The following SPAG1 variants were observed in gnomAD, a reference collection of about 807,000 sequenced individuals.
SPAG1 encodes sperm associated antigen 1.
Under a neutral mutation model 100.5 loss-of-function variants are expected in SPAG1, and 69 were observed. That is an observed-to-expected ratio of 0.69 (90% CI 0.57 to 0.84). The LOEUF (loss-of-function observed/expected upper bound fraction) is 0.84, where lower values mean the gene tolerates loss of function less well. Ranked by LOEUF, SPAG1 falls within the 40% of genes least tolerant of loss-of-function variation. The pLI is 0.00. For missense variants in SPAG1, 955 were observed against 1,133.1 expected, an observed-to-expected ratio of 0.84 and a Z score of 2.26; for synonymous variants, 336 against 411.6, an observed-to-expected ratio of 0.82 and a Z score of 2.22.
At chr8:100,207,521 G>A (rs2132332201) in intron 10 of SPAG1, among the ~76,000 whole-genome samples, 1 of 152,326 alleles carries the variant, frequency 6.6e-6, no homozygotes, top group East Asian at 1.9e-4. Context: ...GCAGTGAAGG[G>A]AAATCTTCCC....
chr8:100,239,335 CCTT>C lies in SPAG1; in HGVS notation c.2212_2214del (p.Leu738del). 1 of 1,590,152 alleles carries C rather than the reference CCTT, an allele frequency of 6.3e-7. No homozygotes were observed. The highest frequency in any genetic ancestry group is 8.6e-7 in the Non-Finnish European group (1 of 1,165,906). On this transcript the variant is annotated inframe_deletion, in exon 17 of 19. Transcript: ENST00000388798. The surrounding 1 kb of genome is among the most constrained non-coding windows in gnomAD (Gnocchi z 5.0). ...TGGAACTGGAAGAGGTAACTAGACT[CCTT>C]AATCTTAAGGATAAGACAGCACCAT...
chr8:100,189,556 G>A (rs190233323), intron 8 of SPAG1, among the ~76,000 whole-genome samples: 21 of 152,250 alleles, frequency 1.4e-4, no homozygotes, highest in Middle Eastern at 3.4e-3. Flanking sequence ...TTGGGAGGCC[G>A]AGGCAGGAGA....
intron 7 of SPAG1, among the ~76,000 whole-genome samples, chr8:100,186,122 G>A (rs1816579235): frequency 7.4e-6 from 1 of 135,886 alleles, no homozygotes. Flanking sequence ...CAAGAGTGCA[G>A]TGGTGTGATC....
At chr8:100,236,274 T>C (rs1284329386) in intron 16 of SPAG1, among the ~76,000 whole-genome samples, 1 of 152,184 alleles carries the variant, frequency 6.6e-6, no homozygotes, top group Non-Finnish European at 1.5e-5. Flanking sequence ...GTCCAGTAAT[T>C]TGAGGTATGT....
intron 3 of SPAG1, among the ~76,000 whole-genome samples, chr8:100,176,842 T>TCCTCTCCTCTCCTCC (rs1563775400): frequency 1.4e-5 from 2 of 143,912 alleles, no homozygotes; most frequent in East Asian, 2.1e-4. Flanking sequence ...TCCTCTCCTC[T>TCCTCTCCTCTCCTCC]TCTCTCTCCT....
chr8:100,240,345 G>A (rs1291861099), intron 17 of SPAG1, 58 bp from the exon 18 acceptor site: 2 of 1,494,458 alleles, frequency 1.3e-6, no homozygotes, highest in African/African-American at 2.8e-5. Context: ...GACGTACTTA[G>A]GATGTATGTG....
intron 1 of SPAG1, among the ~76,000 whole-genome samples, chr8:100,159,949 G>A (rs1815233123): frequency 1.3e-5 from 2 of 152,092 alleles, no homozygotes; most frequent in African/African-American, 4.8e-5. Flanking sequence ...TGAAGATTAG[G>A]TGAGATAAGC....
In SPAG1 at chr8:100,231,308, AT is replaced by A; in HGVS notation, c.1988+21del. ...AAACAGGCAAGTTCTTTGTAACTTT[AT>A]ATATTTCTTATGTTAATAGTTTTGA... On this transcript the variant is annotated intron_variant, in intron 15 of 18. Coordinates refer to ENST00000388798, the MANE Select transcript of SPAG1 (RefSeq NM_003114.5). 2 of 1,432,458 alleles carry A rather than the reference AT, an allele frequency of 1.4e-6. No homozygotes were observed. The highest frequency in any genetic ancestry group is 1.9e-6 in the Non-Finnish European group (2 of 1,051,302). 88.7% of individuals were successfully genotyped at this position (1,432,458 alleles called of 1,614,324 possible).
chr8:100,178,000 A>T, intron 4 of SPAG1, 59 bp downstream of exon 4: 1 of 1,472,380 alleles, frequency 6.8e-7, no homozygotes, highest in Non-Finnish European at 9.4e-7. Context: ...CTGTTTATTA[A>T]GGGGCAATCT....
chr8:100,184,721 T>G lies in SPAG1; in HGVS notation c.689T>G (p.Met230Arg). 1 of 1,579,996 alleles carries G rather than the reference T, an allele frequency of 6.3e-7. No homozygotes were observed. Among genetic ancestry groups the G allele is most frequent in the Non-Finnish European group, 8.6e-7 (1 of 1,164,128 alleles). The change falls in exon 7 of 19, where the codon ATG becomes AGG. Residue 230 changes from methionine (M) to arginine (R), a missense_variant. By Grantham distance (91) the Met-to-Arg change is moderately conservative. Transcript: ENST00000388798. Reference protein sequence around the residue: ...FNSGDYEEAVMYYTRSISALP... With the variant: ...FNSGDYEEAVRYYTRSISALP... ...TCAGGAGATTATGAAGAAGCAGTGA[T>G]GTATTATACCAGGTGAGCAGATGTT...
chr8:100,213,013 C>CCCACGGCCT (rs1554658870), intron 10 of SPAG1, 77 bp from the exon 11 acceptor site: 3 of 1,056,066 alleles, frequency 2.8e-6, no homozygotes, highest in Non-Finnish European at 2.5e-6. Context: ...GTCCTGCACC[C>CCCACGGCCT]CCGCGGCCTC....
intron 8 of SPAG1, among the ~76,000 whole-genome samples, chr8:100,188,902 A>C (rs1816696677): frequency 6.6e-6 from 1 of 152,178 alleles, no homozygotes; most frequent in South Asian, 2.1e-4. Flanking sequence ...TGTTTTACGC[A>C]AGCTGGTCTC....
At chr8:100,174,992 A>T (rs536211464) in intron 3 of SPAG1, among the ~76,000 whole-genome samples, 2 of 143,864 alleles carry the variant, frequency 1.4e-5, no homozygotes, top group South Asian at 2.2e-4. Flanking sequence ...TTTTTCTTAG[A>T]GATGGGATCT....
chr8:100,195,639 A>G (rs1287617699), intron 10 of SPAG1, among the ~76,000 whole-genome samples: 1 of 152,228 alleles, frequency 6.6e-6, no homozygotes, highest in East Asian at 1.9e-4. Flanking sequence ...CTTAGGGTTT[A>G]TATTGAGCTT....
At chr8:100,173,684 T>C (rs1471984561) in intron 3 of SPAG1, among the ~76,000 whole-genome samples, 1 of 152,194 alleles carries the variant, frequency 6.6e-6, no homozygotes, top group Non-Finnish European at 1.5e-5. Flanking sequence ...ATCACAAAGA[T>C]GAAATTAAGA....
intron 10 of SPAG1, among the ~76,000 whole-genome samples, chr8:100,197,376 C>T (rs967889638): frequency 2.0e-5 from 3 of 152,022 alleles, no homozygotes; most frequent in Admixed American, 6.6e-5. Context: ...AATAAATAGC[C>T]GGAAACTCAG....
chr8:100,213,046 C>G (rs974202982), intron 10 of SPAG1, 44 bp from the exon 11 acceptor site: 2 of 1,259,594 alleles, frequency 1.6e-6, no homozygotes, highest in African/African-American at 2.1e-5. Flanking sequence ...GGCAACTGCT[C>G]CCGGTGATGC....
chr8:100,207,197 G>A (rs187777768), intron 10 of SPAG1, among the ~76,000 whole-genome samples: 1 of 152,308 alleles, frequency 6.6e-6, no homozygotes, highest in African/African-American at 2.4e-5. Flanking sequence ...CTAGCCATAA[G>A]GTAGGTTGTG....
At position 100,213,379 on chromosome 8, in the gene SPAG1, C is replaced by G; in HGVS notation, c.1386C>G (p.Ala462=). ...AGCTGTTCCGAAGCGGGCAGTTCGC[C>G]GAGGCGGCCGGCAAGTACTCGGCGG... ...GNELFRSGQF[A]EAAGKYSAAI... is the part of the protein sequence containing the mutation. Residue 462 remains alanine (A), a synonymous_variant, in exon 11 of 19, where the codon GCC becomes GCG. Transcript: ENST00000388798. 1.4e-6 allele frequency: 2 copies of G among 1,451,736 alleles called. No homozygotes were observed. The highest frequency in any genetic ancestry group is 1.5e-5 in the African/African-American group (1 of 67,574). The allele number at this position is 1,451,736 out of a possible 1,614,324, so 89.9% of individuals were successfully genotyped here.
Sources: gnomAD v4.1 joint callset for allele counts (sites outside exome capture counted in the v4.1 genomes callset) on GRCh38, gnomAD v4.1.1 for gene constraint, Gnocchi (gnomAD v3.1) non-coding constraint, MANE v1.5 for transcripts, NCBI Gene and HGNC (gene_info 2026-07-23, HGNC 2026-07-21) for gene names.